The following MIPEP variants were observed in gnomAD, a reference collection of about 807,000 sequenced individuals.
MIPEP encodes the protein mitochondrial intermediate peptidase.
A neutral mutation model predicts 90.3 loss-of-function variants in MIPEP; 79 were observed. That is an observed-to-expected ratio of 0.87 (90% CI 0.73 to 1.05). The LOEUF (loss-of-function observed/expected upper bound fraction) is 1.05, where lower values mean the gene tolerates loss of function less well. MIPEP is among the 50% of genes least tolerant of loss of function. MIPEP has a pLI of 0.00. For synonymous variants in MIPEP, 334 were observed against 315.8 expected (o/e 1.06, Z -0.61); for missense variants, 940 against 905.6 (o/e 1.04, Z -0.49).
At chr13:23,795,905 A>G (rs986484273) in intron 16 of MIPEP, among the ~76,000 whole-genome samples, 3 of 151,110 alleles carry the variant, frequency 2.0e-5, no homozygotes, top group African/African-American at 7.3e-5. Context: ...CCGAGACAGG[A>G]GGGTCAGTTG....
In MIPEP at chr13:23,886,019, A is replaced by AAT. The variant is rs1284606223; in HGVS notation, c.363+312_363+313dup. 2.0e-5 allele frequency among the ~76,000 whole-genome samples: 3 copies of AAT among 151,870 alleles called. No homozygotes were observed. The East Asian group carries it at 5.8e-4, about 29-fold the overall frequency. On this transcript the variant is annotated intron_variant, in intron 2 of 18. Coordinates refer to ENST00000382172, the MANE Select transcript of MIPEP (RefSeq NM_005932.4). The stretch of plus-strand genomic sequence containing the variant: ...ATAAATGAAGAATCTCTGTCAAATG[A>AAT]ATATATATGTAAATATATATTACCC...
intron 18 of MIPEP, among the ~76,000 whole-genome samples, chr13:23,749,640 G>A (rs73453376): frequency 0.019 from 2,920 of 152,140 alleles, 111 homozygotes; most frequent in African/African-American, 0.067. Flanking sequence ...CTGAATTCTC[G>A]CAGTGGCCGA....
At chr13:23,733,541 G>A (rs1952227706) in intron 18 of MIPEP, among the ~76,000 whole-genome samples, 1 of 152,188 alleles carries the variant, frequency 6.6e-6, no homozygotes, top group Admixed American at 6.5e-5. Flanking sequence ...ACTCCATGTG[G>A]AGACAGTGAG....
intron 16 of MIPEP, among the ~76,000 whole-genome samples, chr13:23,802,345 C>T (rs928672371): frequency 6.6e-6 from 1 of 152,128 alleles, no homozygotes; most frequent in African/African-American, 2.4e-5. Flanking sequence ...GAGGTGGAAG[C>T]AGGCAGATCA....
At chr13:23,865,601 A>G (rs1456942008) in intron 7 of MIPEP, among the ~76,000 whole-genome samples, 1 of 152,150 alleles carries the variant, frequency 6.6e-6, no homozygotes, top group East Asian at 1.9e-4. Context: ...TTATTTCTTA[A>G]TAACCGTGTT....
intron 17 of MIPEP, among the ~76,000 whole-genome samples, chr13:23,758,432 G>A (rs1952508315): frequency 6.6e-6 from 1 of 152,124 alleles, no homozygotes. Flanking sequence ...TACATGTCTA[G>A]GCAAGAATGT....
intron 4 of MIPEP, among the ~76,000 whole-genome samples, chr13:23,876,365 T>C (rs576606333): frequency 6.6e-6 from 1 of 152,304 alleles, no homozygotes; most frequent in East Asian, 1.9e-4. Context: ...TGAAGTACTT[T>C]TTATTTCCGT....
chr13:23,869,738 C>A (rs1457916761), intron 6 of MIPEP, among the ~76,000 whole-genome samples: 2 of 152,104 alleles, frequency 1.3e-5, no homozygotes, highest in Admixed American at 1.3e-4. Context: ...AGTAAGGCTG[C>A]ATGAATTTAA....
At chr13:23,864,002 T>C (rs536760615) in intron 8 of MIPEP, 139 bp downstream of exon 8, 3 of 496,942 alleles carry the variant, frequency 6.0e-6, no homozygotes, top group East Asian at 3.3e-5. Context: ...TTAAAGTATG[T>C]CTCATAGTGA....
intron 16 of MIPEP, 116 bp downstream of exon 16, chr13:23,805,834 A>C: frequency 9.1e-7 from 1 of 1,094,162 alleles, no homozygotes; most frequent in South Asian, 1.7e-5. Flanking sequence ...AGCCATGTGA[A>C]GCCTCAACAT....
chr13:23,878,032 T>C (rs2097382880), intron 4 of MIPEP, among the ~76,000 whole-genome samples: 1 of 152,228 alleles, frequency 6.6e-6, no homozygotes, highest in Non-Finnish European at 1.5e-5. Flanking sequence ...GTCCTTTCTA[T>C]CTAAAATGGT....
chr13:23,839,447 A>G (rs1869199286), intron 12 of MIPEP, among the ~76,000 whole-genome samples: 2 of 152,222 alleles, frequency 1.3e-5, no homozygotes, highest in Non-Finnish European at 2.9e-5. Context: ...CCCAGATAAA[A>G]GTGACAAATA....
At chr13:23,742,127 A>T (rs1028351740) in intron 18 of MIPEP, among the ~76,000 whole-genome samples, 1 of 152,246 alleles carries the variant, frequency 6.6e-6, no homozygotes, top group Admixed American at 6.5e-5. Context: ...TTTGGGGCTG[A>T]ATGGAACATT....
chr13:23,754,785 G>A (rs757372812), intron 18 of MIPEP, among the ~76,000 whole-genome samples: 7 of 152,148 alleles, frequency 4.6e-5, no homozygotes, highest in Non-Finnish European at 1.0e-4. Context: ...GCCTTAGCTC[G>A]GGGTGGGCTG....
At chr13:23,758,452 C>T (rs1952508424) in intron 17 of MIPEP, among the ~76,000 whole-genome samples, 1 of 152,130 alleles carries the variant, frequency 6.6e-6, no homozygotes. Flanking sequence ...TACACATAAA[C>T]AAGATATAAA....
At chr13:23,834,093 C>T (rs953982878) in intron 14 of MIPEP, among the ~76,000 whole-genome samples, 1 of 152,070 alleles carries the variant, frequency 6.6e-6, no homozygotes, top group African/African-American at 2.4e-5. Flanking sequence ...GCTGAGGCCA[C>T]CCAGCAAGGG....
In MIPEP at chr13:23,869,344, C is replaced by G. The variant is rs1429418044; in HGVS notation, c.891G>C (p.Gly297=). 6.2e-7 allele frequency: 1 copy of G among 1,612,930 alleles called. No individual in the cohort carries two copies. The highest frequency in any genetic ancestry group is 8.5e-7 in the Non-Finnish European group (1 of 1,179,640). The change falls in exon 7 of 19, where the codon GGG becomes GGC. Residue 297 remains glycine, a synonymous_variant. Coordinates refer to ENST00000382172, the MANE Select transcript of MIPEP (RefSeq NM_005932.4). ...SSRDLLAKLV[G]YSTFSHRALQ... The stretch of plus-strand genomic sequence containing the variant: ...GAGCCCTGTGAGAAAACGTGGAATA[C>G]CCCACCAACTTTGCCAGAAGATCTC...
In MIPEP at chr13:23,730,346, T is replaced by C; in HGVS notation, c.*2A>G. The C allele has an allele frequency of 6.2e-7, 1 of 1,600,406 alleles. No homozygotes were observed. Among genetic ancestry groups the C allele is most frequent in the Non-Finnish European group, 8.6e-7 (1 of 1,169,106 alleles). On this transcript the variant is annotated 3_prime_UTR_variant, in exon 19 of 19. Coordinates refer to ENST00000382172, the MANE Select transcript of MIPEP (RefSeq NM_005932.4). ...TGATTTAAGAGGTGTAGAGTGTTTC[T>C]TTTATTCAGAATCCATGAGGAAAGT...
chr13:23,888,006 G>A (rs1266948167), intron 1 of MIPEP: 1 of 374,518 alleles, frequency 2.7e-6, no homozygotes, highest in African/African-American at 2.2e-5. Flanking sequence ...GATTACCAGT[G>A]ACCATAATGC....
Sources: allele counts gnomAD v4.1 joint callset (sites outside exome capture counted in the v4.1 genomes callset), GRCh38; gene constraint gnomAD v4.1.1; transcripts MANE v1.5; gene names NCBI Gene and HGNC (gene_info 2026-07-23, HGNC 2026-07-21).